Variants in DOK6 observed in about 807,000 individuals in gnomAD.
The protein encoded by DOK6 is docking protein 6, also known as downstream of tyrosine kinase 6.
DOK6 carries 22 observed loss-of-function variants against 44.0 expected under a neutral mutation model. The ratio of observed to expected loss-of-function variants is 0.50; its 90% CI spans 0.36 to 0.71. DOK6 has a LOEUF of 0.71. Among genes scored for constraint, DOK6 ranks in the 30% least tolerant of loss-of-function variants. DOK6 has a pLI of 0.00. For synonymous variants in DOK6, 166 were observed against 145.5 expected, an observed-to-expected ratio of 1.14 and a Z score of -1.01; for missense variants, 340 against 416.4, an observed-to-expected ratio of 0.82 and a Z score of 1.60.
At chr18:69,828,681 T>C (rs1430965083) in intron 7 of DOK6, among the ~76,000 whole-genome samples, 2 of 151,290 alleles carry the variant, frequency 1.3e-5, no homozygotes, top group African/African-American at 4.8e-5. Context: ...TGTTTGGATA[T>C]TGCTGTTAAC....
At chr18:69,663,554 A>G (rs991152359) in intron 3 of DOK6, 4 of 152,256 alleles carry the variant, frequency 2.6e-5, no homozygotes, top group Non-Finnish European at 5.9e-5. Flanking sequence ...TTATGATAAT[A>G]AACACATTGG....
At chr18:69,597,429 A>G (rs527547929) in intron 2 of DOK6, among the ~76,000 whole-genome samples, 197 of 152,338 alleles carry the variant, frequency 1.3e-3, no homozygotes, top group Non-Finnish European at 2.0e-3. Flanking sequence ...TGCTCTTTAA[A>G]GATATCTGAT....
At chr18:69,630,887 A>G (rs1267900304) in intron 3 of DOK6, among the ~76,000 whole-genome samples, 1 of 152,308 alleles carries the variant, frequency 6.6e-6, no homozygotes, top group East Asian at 1.9e-4. Context: ...TTTTCTTAAG[A>G]TAGCTACTTC....
chr18:69,669,769 C>T (rs73465977), intron 3 of DOK6, among the ~76,000 whole-genome samples: 2,777 of 152,050 alleles, frequency 0.018, 81 homozygotes, highest in African/African-American at 0.064. Context: ...GTTAATAATC[C>T]GGAAATTCCT....
At chr18:69,600,787 T>C (rs1237289882) in intron 3 of DOK6, among the ~76,000 whole-genome samples, 2 of 152,244 alleles carry the variant, frequency 1.3e-5, no homozygotes. Flanking sequence ...TACTGGAGCC[T>C]ATTAATTTGT....
At chr18:69,595,796 T>C (rs1201241030) in intron 2 of DOK6, among the ~76,000 whole-genome samples, 4 of 152,158 alleles carry the variant, frequency 2.6e-5, no homozygotes, top group Non-Finnish European at 2.9e-5. Context: ...AAATTTTTAA[T>C]CCATGCGTAG....
intron 7 of DOK6, among the ~76,000 whole-genome samples, chr18:69,764,776 C>T (rs1407428744): frequency 1.3e-5 from 2 of 151,972 alleles, no homozygotes; most frequent in Admixed American, 6.6e-5. Flanking sequence ...TTTTTTTAAA[C>T]AGCTTGAACA....
At chr18:69,549,423 G>C (rs949610001) in intron 1 of DOK6, among the ~76,000 whole-genome samples, 4 of 151,458 alleles carry the variant, frequency 2.6e-5, no homozygotes, top group Non-Finnish European at 5.9e-5. Context: ...TACAATCAGA[G>C]TGAGAAAATG....
chr18:69,654,367 GAC>G, intron 3 of DOK6, among the ~76,000 whole-genome samples: 1 of 152,166 alleles, frequency 6.6e-6, no homozygotes, highest in South Asian at 2.1e-4. Flanking sequence ...CTTGAACAGG[GAC>G]ACACACATGC....
At chr18:69,651,501 T>G (rs1296825243) in intron 3 of DOK6, among the ~76,000 whole-genome samples, 1 of 149,418 alleles carries the variant, frequency 6.7e-6, no homozygotes, top group African/African-American at 2.5e-5. Context: ...TTTTTTTTTT[T>G]TTTTTAAGAC....
chr18:69,477,828 G>A (rs534628567), intron 1 of DOK6, among the ~76,000 whole-genome samples: 8 of 152,186 alleles, frequency 5.3e-5, no homozygotes, highest in Non-Finnish European at 7.4e-5. Flanking sequence ...TTAAAATCAG[G>A]TTTTCGTATC....
intron 1 of DOK6, among the ~76,000 whole-genome samples, chr18:69,447,334 T>G: frequency 6.6e-6 from 1 of 152,196 alleles, no homozygotes; most frequent in Non-Finnish European, 1.5e-5. Flanking sequence ...TTTCTTTTTT[T>G]TGTCAGGTTT....
intron 3 of DOK6, among the ~76,000 whole-genome samples, chr18:69,675,669 AAAAAAAAG>A (rs1332540245): frequency 6.8e-6 from 1 of 146,932 alleles, no homozygotes; most frequent in Non-Finnish European, 1.5e-5. Flanking sequence ...GTATAATAAT[AAAAAAAAG>A]AAAAAAAGAA....
chr18:69,602,531 C>A (rs1983896204), intron 3 of DOK6, among the ~76,000 whole-genome samples: 1 of 152,032 alleles, frequency 6.6e-6, no homozygotes, highest in South Asian at 2.1e-4. Context: ...CAAAAGAGGA[C>A]AATAAGTAAA....
chr18:69,500,290 T>G (rs549365417), intron 1 of DOK6, among the ~76,000 whole-genome samples: 2 of 152,286 alleles, frequency 1.3e-5, no homozygotes, highest in Admixed American at 1.3e-4. Context: ...ATATCCACAT[T>G]TCAGATTTTG....
rs1982923599 is a variant in DOK6 at position 69,564,543 on chromosome 18, G to T, written c.123G>T (p.Arg41Ser). The change falls in exon 2 of 8, where the codon AGG becomes AGT. Residue 41 changes from arginine to serine, a missense_variant. Arg to Ser is a moderately radical substitution (Grantham distance 110). Around this residue, in one of 3 missense-constraint regions of DOK6, gnomAD observed 206 missense variants for 258.6 expected, o/e 0.80. Coordinates refer to ENST00000382713, the MANE Select transcript of DOK6 (RefSeq NM_152721.6). The stretch of plus-strand genomic sequence containing the variant: ...AGGCTTCTAGCAAAGGACCCAGAAG[G>T]TTAGAAAAATTTCCAGATGAAAAGG... Reference protein sequence around the residue: ...FKKASSKGPRRLEKFPDEKAA... With the variant: ...FKKASSKGPRSLEKFPDEKAA... 2 of 1,613,822 alleles carry T rather than the reference G, an allele frequency of 1.2e-6. No individual in the cohort carries two copies. Among genetic ancestry groups the T allele is most frequent in the Non-Finnish European group, 1.7e-6 (2 of 1,179,898 alleles).
chr18:69,611,340 T>C (rs1215529049), intron 3 of DOK6, among the ~76,000 whole-genome samples: 1 of 152,146 alleles, frequency 6.6e-6, no homozygotes, highest in East Asian at 1.9e-4. Flanking sequence ...GAACTAGATC[T>C]CTCGTATGTT....
At chr18:69,785,964 T>C (rs913599122) in intron 7 of DOK6, among the ~76,000 whole-genome samples, 1 of 152,200 alleles carries the variant, frequency 6.6e-6, no homozygotes, top group Non-Finnish European at 1.5e-5. Flanking sequence ...CTAGTCTTAA[T>C]GCCATTAAAA....
intron 7 of DOK6, among the ~76,000 whole-genome samples, chr18:69,838,610 C>A (rs1982117803): frequency 6.6e-6 from 1 of 152,034 alleles, no homozygotes; most frequent in South Asian, 2.1e-4. Flanking sequence ...CTATACCATC[C>A]AGAATTTTTA....
Sources: allele counts gnomAD v4.1 joint callset (sites outside exome capture counted in the v4.1 genomes callset), GRCh38; gene constraint gnomAD v4.1.1; regional missense constraint gnomAD v4.1.1; transcripts MANE v1.5; gene names NCBI Gene and HGNC (gene_info 2026-07-23, HGNC 2026-07-21).